The following CCDC146 variants were observed in gnomAD, a reference collection of about 807,000 sequenced individuals.
The protein encoded by CCDC146 is coiled-coil domain-containing protein 146.
CCDC146 carries 92 observed loss-of-function variants against 119.3 expected under a neutral mutation model. The observed-to-expected ratio is 0.77, with a 90% confidence interval of 0.65 to 0.92. The LOEUF (loss-of-function observed/expected upper bound fraction) is 0.92, where lower values mean the gene tolerates loss of function less well. Ranked by LOEUF, CCDC146 falls within the 40% of genes least tolerant of loss-of-function variation. CCDC146 has a pLI of 0.00. For synonymous variants in CCDC146, 372 were observed against 371.8 expected, an observed-to-expected ratio of 1.00 and a Z score of -0.01; for missense variants, 1,000 against 1,103.0, an observed-to-expected ratio of 0.91 and a Z score of 1.32.
chr7:77,160,291 T>C (rs888428075), intron 1 of CCDC146, among the ~76,000 whole-genome samples: 4 of 152,178 alleles, frequency 2.6e-5, no homozygotes, highest in Non-Finnish European at 2.9e-5. Context: ...AGTAGTTTTT[T>C]CCAATTCTGT....
chr7:77,147,114 T>G, intron 1 of CCDC146, among the ~76,000 whole-genome samples: 1 of 152,252 alleles, frequency 6.6e-6, no homozygotes, highest in Admixed American at 6.5e-5. Flanking sequence ...CGTTTCTTTT[T>G]ACTCTTTTTT....
Position 77,287,100 on chromosome 7 carries a change from G to A in CCDC146, c.2277+174G>A. 4.0e-6 allele frequency: 3 copies of A among 755,902 alleles called. No homozygotes were observed. The South Asian group carries it at 5.8e-5, about 15-fold the overall frequency. The allele number at this position is 755,902 out of a possible 1,614,324, so 46.8% of individuals were successfully genotyped here. On this transcript the variant is annotated intron_variant, in intron 16 of 18. Coordinates refer to ENST00000285871, the MANE Select transcript of CCDC146 (RefSeq NM_020879.3). ...CATTCTAAGCTTGATTTAGACACTT[G>A]CCAAAAGAAGTTCCAATCCAGTGGT...
At chr7:77,167,419 AT>A (rs1791352423) in intron 1 of CCDC146, among the ~76,000 whole-genome samples, 1 of 152,020 alleles carries the variant, frequency 6.6e-6, no homozygotes, top group Non-Finnish European at 1.5e-5. Context: ...TTATTTTCCA[AT>A]TAATGCAACA....
At chr7:77,206,949 A>G (rs753204919) in intron 2 of CCDC146, among the ~76,000 whole-genome samples, 11 of 152,098 alleles carry the variant, frequency 7.2e-5, no homozygotes, top group Non-Finnish European at 1.3e-4. Context: ...TTTCATGCCA[A>G]ATGCATGTCT....
At chr7:77,233,531 A>G (rs35700786) in intron 2 of CCDC146, among the ~76,000 whole-genome samples, 16,065 of 152,116 alleles carry the variant, frequency 0.11, 1,109 homozygotes, top group Non-Finnish European at 0.16. Context: ...AACCTTTTTG[A>G]CACCAGGGAC....
intron 2 of CCDC146, among the ~76,000 whole-genome samples, chr7:77,185,983 C>T (rs534587582): frequency 6.6e-6 from 1 of 152,134 alleles, no homozygotes; most frequent in African/African-American, 2.4e-5. Flanking sequence ...ATCCAAAGGG[C>T]AGGCAATAAC....
At chr7:77,199,324 C>T (rs558574462) in intron 2 of CCDC146, 23 of 1,614,048 alleles carry the variant, frequency 1.4e-5, no homozygotes, top group East Asian at 6.7e-5. Flanking sequence ...CTTCTCCAGG[C>T]GACCATGAAG....
chr7:77,291,075 T>G (rs929497855), intron 17 of CCDC146, among the ~76,000 whole-genome samples: 3 of 152,196 alleles, frequency 2.0e-5, no homozygotes, highest in African/African-American at 7.2e-5. Flanking sequence ...GGGACTATGA[T>G]GATGAATAAA....
rs1300551323 is a variant in CCDC146, at chr7:77,144,922, G to T, written c.-12+22190G>T. Among the ~76,000 whole-genome samples, 4 of 151,640 alleles carry T rather than the reference G, an allele frequency of 2.6e-5. No homozygotes were observed. The East Asian group carries it at 7.7e-4, about 29-fold the overall frequency. ...TGCCAGCCTTTGGTATCAGGATGAT[G>T]CTGGCCTCATAAAGTGAATTAGGGA... On this transcript the variant is annotated intron_variant, in intron 1 of 18. Transcript: ENST00000285871.
chr7:77,210,227 G>C (rs1040102393), intron 2 of CCDC146, among the ~76,000 whole-genome samples: 2 of 152,182 alleles, frequency 1.3e-5, no homozygotes, highest in East Asian at 3.8e-4. Context: ...AGTGTATGCT[G>C]TTAGAAGCAG....
intron 2 of CCDC146, among the ~76,000 whole-genome samples, chr7:77,204,719 T>C (rs751539986): frequency 1.3e-5 from 2 of 152,152 alleles, no homozygotes; most frequent in African/African-American, 4.8e-5. Flanking sequence ...CAAAATCAAT[T>C]CTTATGTACT....
intron 1 of CCDC146, among the ~76,000 whole-genome samples, chr7:77,161,835 G>C (rs942431298): frequency 6.6e-6 from 1 of 151,556 alleles, no homozygotes; most frequent in Non-Finnish European, 1.5e-5. Context: ...TTCAATCATA[G>C]CCATCCTAAC....
chr7:77,196,358 C>T lies in CCDC146; in HGVS notation c.156+28534C>T. The T allele has an allele frequency of 6.2e-7, 1 of 1,614,142 alleles. No homozygotes were observed. ...CTTGTAGCCACCAGGGTGTGCCTCACTTACACCAGGCCAGGTACCCCAGAA... is the reference window on the plus strand; with the variant it reads ...CTTGTAGCCACCAGGGTGTGCCTCATTTACACCAGGCCAGGTACCCCAGAA... On this transcript the variant is annotated intron_variant, in intron 2 of 18. Transcript: ENST00000285871. The surrounding 1 kb of genome is among the most constrained non-coding windows in gnomAD (Gnocchi z 4.2).
intron 1 of CCDC146, among the ~76,000 whole-genome samples, chr7:77,162,718 A>G (rs187867875): frequency 0.018 from 2,778 of 152,008 alleles, 78 homozygotes; most frequent in African/African-American, 0.063. Context: ...GAACCTGTAG[A>G]TTGCTTTGTA....
At chr7:77,235,837 A>C (rs1026965246) in intron 2 of CCDC146, among the ~76,000 whole-genome samples, 1 of 152,142 alleles carries the variant, frequency 6.6e-6, no homozygotes, top group Non-Finnish European at 1.5e-5. Flanking sequence ...TGCGAGGCCA[A>C]GGTGGGTGGA....
At chr7:77,167,518 G>A (rs28501193) in intron 1 of CCDC146, 140 bp from the exon 2 acceptor site, 1,395 of 481,792 alleles carry the variant, frequency 2.9e-3, no homozygotes, top group Non-Finnish European at 4.5e-3. Flanking sequence ...TAATGAGATT[G>A]TAGCTAACTT....
intron 2 of CCDC146, among the ~76,000 whole-genome samples, chr7:77,225,409 G>A (rs1405683261): frequency 3.3e-5 from 5 of 151,772 alleles, no homozygotes; most frequent in African/African-American, 1.2e-4. Context: ...AAAACCTAGC[G>A]GGGCATGGTG....
At chr7:77,219,533 G>A (rs907026795) in intron 2 of CCDC146, among the ~76,000 whole-genome samples, 2 of 152,128 alleles carry the variant, frequency 1.3e-5, no homozygotes, top group African/African-American at 4.8e-5. Flanking sequence ...GTCAATTATA[G>A]CATTTACAGA....
chr7:77,152,159 C>A (rs1791117137), intron 1 of CCDC146, among the ~76,000 whole-genome samples: 1 of 152,176 alleles, frequency 6.6e-6, no homozygotes, highest in South Asian at 2.1e-4. Flanking sequence ...AGATGAGGTA[C>A]CTCAGAGGCT....
Sources: gnomAD v4.1 joint callset for allele counts (sites outside exome capture counted in the v4.1 genomes callset) on GRCh38, gnomAD v4.1.1 for gene constraint, Gnocchi (gnomAD v3.1) non-coding constraint, MANE v1.5 for transcripts, NCBI Gene and HGNC (gene_info 2026-07-23, HGNC 2026-07-21) for gene names.